HEPHL1: variants seen among roughly 807,000 people sequenced by gnomAD.
HEPHL1 encodes the protein ferroxidase HEPHL1.
A neutral mutation model predicts 122.0 loss-of-function variants in HEPHL1; 123 were observed. The ratio of observed to expected loss-of-function variants is 1.01; its 90% confidence interval spans 0.87 to 1.17. The LOEUF (loss-of-function observed/expected upper bound fraction) is 1.17. Among genes scored for constraint, HEPHL1 ranks in the 50% most tolerant of loss-of-function variants. The pLI is 0.00. For missense variants in HEPHL1, 1,452 were observed against 1,430.5 expected (o/e 1.01, Z -0.24); for synonymous variants, 527 against 508.9 (o/e 1.04, Z -0.48).
chr11:94,085,631 G>T (rs1373438439), intron 10 of HEPHL1, among the ~76,000 whole-genome samples: 1 of 152,156 alleles, frequency 6.6e-6, no homozygotes, highest in African/African-American at 2.4e-5. Flanking sequence ...TTTAACAAGG[G>T]AGATCATAGG....
chr11:94,035,418 C>T (rs989522959), intron 1 of HEPHL1, among the ~76,000 whole-genome samples: 1 of 152,180 alleles, frequency 6.6e-6, no homozygotes, highest in African/African-American at 2.4e-5. Flanking sequence ...TGGAAGTCAG[C>T]AGAATGGCTT....
intron 9 of HEPHL1, among the ~76,000 whole-genome samples, chr11:94,080,126 C>T (rs1197554645): frequency 6.6e-6 from 1 of 152,280 alleles, no homozygotes; most frequent in East Asian, 1.9e-4. Flanking sequence ...AAATAGAGAA[C>T]TCAGAAATAA....
intron 13 of HEPHL1, among the ~76,000 whole-genome samples, chr11:94,096,503 G>T (rs1946315326): frequency 6.6e-6 from 1 of 152,140 alleles, no homozygotes. Context: ...TGTCTGCCAG[G>T]CTTTGGTATC....
chr11:94,088,841 G>A lies in HEPHL1; in HGVS notation c.2167G>A (p.Asp723Asn). The A allele has an allele frequency of 6.2e-7, 1 of 1,614,012 alleles. No homozygotes were observed. The highest frequency in any genetic ancestry group is 8.5e-7 in the Non-Finnish European group (1 of 1,179,890). The change falls in exon 12 of 20, where the codon GAC becomes AAC. Residue 723 changes from aspartate (D) to asparagine (N), a missense_variant. Coordinates refer to ENST00000315765, the MANE Select transcript of HEPHL1 (RefSeq NM_001098672.2). ...TGAGGTCAGCAGCTGTGACAACAGG[G>A]ACCCTTCTGAGCAGCGGTACGGGAT... The part of the protein sequence containing the change: ...IYEVSSCDNR[D>N]PSEQRYGMIR...
At chr11:94,077,957 A>T in intron 9 of HEPHL1, among the ~76,000 whole-genome samples, 1 of 151,768 alleles carries the variant, frequency 6.6e-6, no homozygotes, top group East Asian at 1.9e-4. Flanking sequence ...CTTTTATATC[A>T]CCTGATTTTA....
intron 9 of HEPHL1, among the ~76,000 whole-genome samples, chr11:94,080,832 C>T (rs1035963851): frequency 2.0e-5 from 3 of 152,176 alleles, no homozygotes; most frequent in Non-Finnish European, 4.4e-5. Flanking sequence ...AACACTTTTA[C>T]ACTGTTGGTG....
rs1305576761 is a variant in HEPHL1, at chr11:94,110,982, C to T, written c.3125C>T (p.Pro1042Leu). Residue 1042 changes from proline to leucine, a missense_variant, in exon 18 of 20, where the codon CCA (proline) becomes CTA (leucine). Coordinates refer to ENST00000315765, the MANE Select transcript of HEPHL1 (RefSeq NM_001098672.2). ...ACCATTGAACTGTTTGCAGATCACC[C>T]AGGGACATGGCTGCTACACTGTCAT... ...FQTIELFADH[P>L]GTWLLHCHVS... The T allele has an allele frequency of 6.2e-7, 1 of 1,612,138 alleles. No homozygotes were observed. Among genetic ancestry groups the T allele is most frequent in the African/African-American group, 1.3e-5 (1 of 74,850 alleles).
intron 9 of HEPHL1, among the ~76,000 whole-genome samples, chr11:94,078,446 C>CATATATGTATATAT (rs1555064803): frequency 2.7e-5 from 3 of 111,480 alleles, no homozygotes; most frequent in African/African-American, 1.0e-4. Flanking sequence ...TCAGATGTTC[C>CATATATGTATATAT]ATATATATAT....
chr11:94,035,186 T>G (rs1945710445), intron 1 of HEPHL1, among the ~76,000 whole-genome samples: 1 of 152,178 alleles, frequency 6.6e-6, no homozygotes, highest in Admixed American at 6.5e-5. Flanking sequence ...TTCCTTCTAT[T>G]TGAGTAAGGT....
intron 1 of HEPHL1, among the ~76,000 whole-genome samples, chr11:94,037,949 G>A (rs1211917651): frequency 6.6e-6 from 1 of 150,498 alleles, no homozygotes; most frequent in Non-Finnish European, 1.5e-5. Context: ...TCAAACCAAA[G>A]GCAAAGAAGT....
At position 94,096,416 on chromosome 11, in the gene HEPHL1, G is replaced by A. The variant is rs573526144; in HGVS notation, c.2434+2776G>A. 4.6e-4 allele frequency among the ~76,000 whole-genome samples: 70 copies of A among 152,230 alleles called. No individual in the cohort carries two copies. The South Asian group carries it at 8.9e-3, about 19-fold the overall frequency. ...AACTTTTTGATGTGCTGCTGGATTC[G>A]TTTGCCAGTATTTTATTGAGGATTT... On this transcript the variant is annotated intron_variant, in intron 13 of 19. Transcript: ENST00000315765.
chr11:94,035,047 A>C (rs933900306), intron 1 of HEPHL1, among the ~76,000 whole-genome samples: 1 of 152,224 alleles, frequency 6.6e-6, no homozygotes, highest in African/African-American at 2.4e-5. Flanking sequence ...AATTACATCT[A>C]AATGCCTTAG....
chr11:94,039,613 G>C (rs1287910298), intron 1 of HEPHL1, among the ~76,000 whole-genome samples: 1 of 151,912 alleles, frequency 6.6e-6, no homozygotes, highest in African/African-American at 2.4e-5. Context: ...ACCTGCTCCT[G>C]AATGACAACT....
chr11:94,072,883 G>A, intron 6 of HEPHL1, 142 bp from the exon 7 acceptor site: 2 of 697,130 alleles, frequency 2.9e-6, no homozygotes, highest in Non-Finnish European at 4.8e-6. Context: ...CTATTCCTGG[G>A]AACTCTGTCA....
rs1946109937 is a variant in HEPHL1, at chr11:94,075,191, G to T, written c.1522G>T (p.Ala508Ser). The change falls in exon 9 of 20, where the codon GCG (alanine) becomes TCG (serine). Residue 508 changes from alanine to serine, a missense_variant. Coordinates refer to ENST00000315765, the MANE Select transcript of HEPHL1 (RefSeq NM_001098672.2). The part of the protein sequence containing the change: ...PNLDGFVKPG[A>S]HVKPGETFTY... The stretch of plus-strand genomic sequence containing the variant: ...ATCCTCAGGATTTGTGAAACCAGGG[G>T]CGCATGTTAAACCAGGTGAAACCTT... 6.2e-7 allele frequency: 1 copy of T among 1,612,944 alleles called. No individual in the cohort carries two copies. Among genetic ancestry groups the T allele is most frequent in the East Asian group, 2.2e-5 (1 of 44,864 alleles).
At chr11:94,059,321 T>C (rs1945964763) in intron 2 of HEPHL1, among the ~76,000 whole-genome samples, 2 of 152,180 alleles carry the variant, frequency 1.3e-5, no homozygotes, top group African/African-American at 2.4e-5. Context: ...TTCCAGTTCA[T>C]GTAATTTGAA....
intron 14 of HEPHL1, among the ~76,000 whole-genome samples, chr11:94,101,989 G>C (rs1482156935): frequency 6.6e-6 from 1 of 152,170 alleles, no homozygotes; most frequent in Non-Finnish European, 1.5e-5. Flanking sequence ...ATAGTGTACT[G>C]TTATAATTGT....
chr11:94,025,877 ATT>A lies in HEPHL1; in HGVS notation c.170+4342_170+4343del, dbSNP rs142395012. On this transcript the variant is annotated intron_variant, in intron 1 of 19. Transcript: ENST00000315765. ...CTTCTGTCTTATCAGCACCAAAAAT[ATT>A]TTGTTTGGACTGATGCCATATGAAT... Among the ~76,000 whole-genome samples the A allele has an allele frequency of 6.7e-3, 1,024 of 152,302 alleles. 31 individuals carry two copies. In the East Asian group the frequency reaches 0.1, roughly 15 times the overall value.
In HEPHL1 at chr11:94,048,083, G is replaced by C. The variant is rs1452550046; in HGVS notation, c.415+2166G>C. Among the ~76,000 whole-genome samples the C allele has an allele frequency of 5.9e-5, 9 of 152,124 alleles. No homozygotes were observed. The East Asian group carries it at 1.7e-3, about 29-fold the overall frequency. On this transcript the variant is annotated intron_variant, in intron 2 of 19. Transcript: ENST00000315765. ...CTTCTATTCTATTTTCTATGTCTAT[G>C]AATGTGCCTTTTGTGTCTGGCTTAT...
Sources: allele counts gnomAD v4.1 joint callset (sites outside exome capture counted in the v4.1 genomes callset), GRCh38; gene constraint gnomAD v4.1.1; transcripts MANE v1.5; gene names NCBI Gene and HGNC (gene_info 2026-07-23, HGNC 2026-07-21).